The following WDR7 variants were observed in gnomAD, a reference collection of about 807,000 sequenced individuals.
WDR7 encodes WD repeat-containing protein 7.
In WDR7, 46 loss-of-function variants were observed where a neutral mutation model predicts 169.4. The observed-to-expected ratio is 0.27, with a 90% confidence interval of 0.21 to 0.35. The LOEUF (loss-of-function observed/expected upper bound fraction) is 0.35, where lower values mean the gene tolerates loss of function less well. Ranked by LOEUF, WDR7 falls within the 10% of genes least tolerant of loss-of-function variation. WDR7 has a pLI of 1.00. For synonymous variants in WDR7, 612 were observed against 666.8 expected, an observed-to-expected ratio of 0.92 and a Z score of 1.27; for missense variants, 1,534 against 1,859.3, an observed-to-expected ratio of 0.83 and a Z score of 3.22.
chr18:56,659,856 A>ATT (rs551221865), intron 1 of WDR7, among the ~76,000 whole-genome samples: 1 of 148,498 alleles, frequency 6.7e-6, no homozygotes, highest in Non-Finnish European at 1.5e-5. Flanking sequence ...TCACAGCATG[A>ATT]TTTTTTTTTT....
At chr18:56,709,986 A>G (rs886868129) in intron 12 of WDR7, among the ~76,000 whole-genome samples, 44 of 144,786 alleles carry the variant, frequency 3.0e-4, no homozygotes, top group African/African-American at 1.1e-3. Flanking sequence ...GAGAACCACA[A>G]TTTATATATA....
intron 7 of WDR7, among the ~76,000 whole-genome samples, chr18:56,689,103 C>T (rs1163511871): frequency 1.3e-5 from 2 of 152,166 alleles, no homozygotes; most frequent in African/African-American, 2.4e-5. Context: ...TGCTCAACTT[C>T]ACTAATCATC....
At chr18:56,940,273 C>G (rs2047016250) in intron 25 of WDR7, among the ~76,000 whole-genome samples, 1 of 152,132 alleles carries the variant, frequency 6.6e-6, no homozygotes, top group African/African-American at 2.4e-5. Flanking sequence ...TCATTTTAGA[C>G]TACAGCTTTC....
At chr18:56,885,084 G>A (rs191023169) in intron 21 of WDR7, among the ~76,000 whole-genome samples, 140 of 152,304 alleles carry the variant, frequency 9.2e-4, no homozygotes, top group Middle Eastern at 3.4e-3. Flanking sequence ...CACAGTGGAA[G>A]GGGGAGAGCA....
At chr18:56,868,211 A>T (rs2045908243) in intron 20 of WDR7, among the ~76,000 whole-genome samples, 1 of 152,124 alleles carries the variant, frequency 6.6e-6, no homozygotes, top group South Asian at 2.1e-4. Flanking sequence ...ATTTACTCCA[A>T]ACGAACCTTT....
At chr18:56,693,573 GT>G (rs1254201598) in intron 9 of WDR7, among the ~76,000 whole-genome samples, 4 of 54,444 alleles carry the variant, frequency 7.3e-5, no homozygotes, top group African/African-American at 2.5e-4. Flanking sequence ...TTTTTTTTTT[GT>G]TTTTTTTTTT....
At chr18:56,902,656 C>T (rs754897894) in intron 21 of WDR7, among the ~76,000 whole-genome samples, 147 of 152,282 alleles carry the variant, frequency 9.7e-4, no homozygotes, top group Middle Eastern at 3.4e-3. Flanking sequence ...GGCTATTTCA[C>T]ATGGCTCATC....
chr18:57,001,344 A>G (rs1453117962), intron 26 of WDR7, among the ~76,000 whole-genome samples: 3 of 151,924 alleles, frequency 2.0e-5, no homozygotes, highest in Non-Finnish European at 4.4e-5. Flanking sequence ...AGTTTCCCCA[A>G]GGGAAATTGT....
chr18:56,751,657 C>G (rs1384986264), intron 14 of WDR7, among the ~76,000 whole-genome samples: 1 of 152,172 alleles, frequency 6.6e-6, no homozygotes, highest in Non-Finnish European at 1.5e-5. Context: ...GCCATAACAA[C>G]AGCTTTGTAT....
chr18:56,772,507 C>T (rs1467727793), intron 16 of WDR7, among the ~76,000 whole-genome samples: 1 of 151,996 alleles, frequency 6.6e-6, no homozygotes, highest in Non-Finnish European at 1.5e-5. Context: ...GAAATAGGTA[C>T]ACAGAAAAGA....
chr18:56,770,807 T>C (rs892072609), intron 16 of WDR7, among the ~76,000 whole-genome samples: 15 of 152,132 alleles, frequency 9.9e-5, no homozygotes, highest in East Asian at 1.9e-4. Context: ...CCTTTTTTTT[T>C]CCCTAAGAAT....
intron 16 of WDR7, 31 bp downstream of exon 16, chr18:56,758,984 T>A: frequency 6.4e-7 from 1 of 1,564,252 alleles, no homozygotes; most frequent in Non-Finnish European, 8.8e-7. Flanking sequence ...GTAATTGACA[T>A]GACATTTCAG....
At chr18:56,994,611 G>A (rs190646728) in intron 26 of WDR7, among the ~76,000 whole-genome samples, 204 of 152,324 alleles carry the variant, frequency 1.3e-3, no homozygotes, top group Middle Eastern at 0.01. Flanking sequence ...GATGTTGGCT[G>A]AATATGTTTA....
At chr18:56,852,725 C>CAT (rs765008963) in intron 20 of WDR7, among the ~76,000 whole-genome samples, 2 of 152,058 alleles carry the variant, frequency 1.3e-5, no homozygotes, top group East Asian at 3.9e-4. Flanking sequence ...CAAGCACATA[C>CAT]ATATATATAC....
intron 25 of WDR7, among the ~76,000 whole-genome samples, chr18:56,955,885 T>C (rs2047243786): frequency 6.6e-6 from 1 of 152,156 alleles, no homozygotes; most frequent in Non-Finnish European, 1.5e-5. Context: ...AATTAGTAAG[T>C]ATAGATCCAG....
intron 19 of WDR7, among the ~76,000 whole-genome samples, chr18:56,812,757 A>G (rs2044893889): frequency 6.6e-6 from 1 of 151,924 alleles, no homozygotes; most frequent in South Asian, 2.1e-4. Flanking sequence ...CAGGAGTGAG[A>G]ATTTGCTTTT....
chr18:56,968,484 G>A (rs548484336), intron 26 of WDR7, among the ~76,000 whole-genome samples: 8 of 152,154 alleles, frequency 5.3e-5, no homozygotes, highest in Admixed American at 2.6e-4. Context: ...TTCAGAAAAA[G>A]CATAGAAAAA....
intron 21 of WDR7, among the ~76,000 whole-genome samples, chr18:56,914,216 C>G (rs1028707728): frequency 6.6e-6 from 1 of 152,310 alleles, no homozygotes; most frequent in South Asian, 2.1e-4. Flanking sequence ...GATACTCACA[C>G]GATTCTCTTT....
Position 56,717,987 on chromosome 18 carries a change from C to T in WDR7, c.1602C>T (p.Cys534=), listed in dbSNP as rs747725295. ...NCSARVQHCI[C]SVASDHSVGL... Reference sequence around the variant, plus strand: ...AGGCAAGAGTACAGCACTGCATCTGCTCTGTAGCCAGTGACCACTCAGTAG... The same window carrying T: ...AGGCAAGAGTACAGCACTGCATCTGTTCTGTAGCCAGTGACCACTCAGTAG... The change falls in exon 13 of 28, where the codon TGC becomes TGT. Residue 534 remains cysteine (C), a synonymous_variant. Coordinates refer to ENST00000254442, the MANE Select transcript of WDR7 (RefSeq NM_015285.3). The T allele has an allele frequency of 1.2e-6, 2 of 1,613,872 alleles. No individual in the cohort carries two copies. Among genetic ancestry groups the T allele is most frequent in the South Asian group, 1.1e-5 (1 of 91,036 alleles).
Sources: allele counts gnomAD v4.1 joint callset (sites outside exome capture counted in the v4.1 genomes callset), GRCh38; gene constraint gnomAD v4.1.1; transcripts MANE v1.5; gene names NCBI Gene and HGNC (gene_info 2026-07-23, HGNC 2026-07-21).